SLC9A4: variants seen among roughly 807,000 people sequenced by gnomAD.
SLC9A4 encodes the protein solute carrier family 9 member A4.
SLC9A4 carries 63 observed loss-of-function variants against 67.4 expected under a neutral mutation model. That is an observed-to-expected ratio of 0.93 (90% CI 0.76 to 1.15). The LOEUF (loss-of-function observed/expected upper bound fraction) is 1.15. SLC9A4 is among the 50% of genes most tolerant of loss of function. The pLI, the probability that SLC9A4 is intolerant of heterozygous loss-of-function variation, is 0.00. For missense variants in SLC9A4, 1,089 were observed against 987.7 expected (o/e 1.10, Z -1.38); for synonymous variants, 393 against 367.2 (o/e 1.07, Z -0.80).
chr2:102,532,642 G>A lies in SLC9A4; in HGVS notation c.2351G>A (p.Gly784Asp). Residue 784 changes from glycine to aspartate, a missense_variant, in exon 12 of 12, where the codon GGC becomes GAC. By Grantham distance (94) the Gly-to-Asp change is moderately conservative. Transcript: ENST00000295269. ...RSRWTADHGH[G>D]RDHHRSHSPL... ...AGGTGGACAGCTGACCATGGACACG[G>A]CAGGGACCATCACAGGTCCCATAGT... The A allele has an allele frequency of 6.2e-7, 1 of 1,613,964 alleles. No homozygotes were observed. The highest frequency in any genetic ancestry group is 1.3e-5 in the African/African-American group (1 of 75,040).
chr2:102,495,228 G>A (rs1290076719), intron 2 of SLC9A4, among the ~76,000 whole-genome samples: 1 of 151,840 alleles, frequency 6.6e-6, no homozygotes, highest in African/African-American at 2.4e-5. Flanking sequence ...GATGTTTCAT[G>A]GTTCAAGAAA....
chr2:102,499,461 C>G (rs1684877785), intron 2 of SLC9A4, among the ~76,000 whole-genome samples: 1 of 152,114 alleles, frequency 6.6e-6, no homozygotes, highest in African/African-American at 2.4e-5. Context: ...AAGATCTCTG[C>G]AAGTCTTTCT....
At chr2:102,511,381 C>T (rs556860834) in intron 6 of SLC9A4, among the ~76,000 whole-genome samples, 9 of 152,096 alleles carry the variant, frequency 5.9e-5, no homozygotes, top group African/African-American at 2.2e-4. Flanking sequence ...GCATAATCCA[C>T]CTAAGTCCAT....
chr2:102,531,996 C>T lies in SLC9A4; in HGVS notation c.2039-334C>T, dbSNP rs550056294. ...TGTGTAGCATTGGCTTTGGACAAGA[C>T]CAAGCATCTTTGTGTCCCATGGTTT... On this transcript the variant is annotated intron_variant, in intron 11 of 11. Transcript: ENST00000295269. Among the ~76,000 whole-genome samples, 11 of 152,340 alleles carry T rather than the reference C, an allele frequency of 7.2e-5. No homozygotes were observed. In the South Asian group the frequency reaches 2.3e-3, roughly 32 times the overall value.
In SLC9A4 at chr2:102,519,902, G is replaced by A. The variant is rs1685363832; in HGVS notation, c.1765G>A (p.Val589Met). Residue 589 changes from valine to methionine, a missense_variant, in exon 9 of 12, where the codon GTG becomes ATG. Coordinates refer to ENST00000295269, the MANE Select transcript of SLC9A4 (RefSeq NM_001011552.4). Reference sequence around the variant, plus strand: ...AATCAAAAGACTTTCCCCTGAAGATGTGGAGTCCATAAGGGACATTCTGAC... The same window carrying A: ...AATCAAAAGACTTTCCCCTGAAGATATGGAGTCCATAAGGGACATTCTGAC... ...QGIKRLSPED[V>M]ESIRDILTSN... is the part of the protein sequence containing the mutation. 1.2e-6 allele frequency: 2 copies of A among 1,613,806 alleles called. No homozygotes were observed. Among genetic ancestry groups the A allele is most frequent in the East Asian group, 2.2e-5 (1 of 44,864 alleles).
rs531246466 is a variant in SLC9A4 at position 102,508,080 on chromosome 2, C to A, written c.1200C>A (p.Ser400Arg). The change falls in exon 5 of 12, where the codon AGC (serine) becomes AGA (arginine). Residue 400 changes from serine to arginine, a missense_variant and splice_region_variant. Ser to Arg is a moderately radical substitution (Grantham distance 110). Transcript: ENST00000295269. ...TAATACACGTTTCCCCCTTTCTAGG[C>A]GTATTTGCTCTCTTCTATATCAGTA... Reference protein sequence around the residue: ...LAFCQIWRAISVFALFYISNQ... With the variant: ...LAFCQIWRAIRVFALFYISNQ... The A allele has an allele frequency of 1.9e-6, 3 of 1,613,860 alleles. No individual in the cohort carries two copies. Among genetic ancestry groups the A allele is most frequent in the Non-Finnish European group, 2.5e-6 (3 of 1,179,876 alleles).
In SLC9A4 at chr2:102,519,955, G is replaced by T. The variant is rs370263568; in HGVS notation, c.1818G>T (p.Arg606Ser). The part of the protein sequence containing the change: ...LTSNMYQVRQ[R>S]TLSYNKYNLK... ...CCAACATGTACCAAGTTCGGCAAAG[G>T]GTGTGTATGAGCCACCTGTGTTGTC... is the stretch of plus-strand genomic sequence containing the variant. Residue 606 changes from arginine to serine, a missense_variant and splice_region_variant, in exon 9 of 12, where the codon AGG becomes AGT. Physicochemically the swap from Arg to Ser is moderately radical, Grantham distance 110. Coordinates refer to ENST00000295269, the MANE Select transcript of SLC9A4 (RefSeq NM_001011552.4). 14 of 1,613,236 alleles carry T rather than the reference G, an allele frequency of 8.7e-6. No homozygotes were observed. The highest frequency in any genetic ancestry group is 6.7e-5 in the East Asian group (3 of 44,862).
intron 2 of SLC9A4, among the ~76,000 whole-genome samples, chr2:102,487,506 G>A (rs1684612991): frequency 1.3e-5 from 2 of 152,124 alleles, no homozygotes; most frequent in Non-Finnish European, 2.9e-5. Context: ...GCTAATCCTT[G>A]GGAGGCATGC....
At chr2:102,510,505 G>A (rs906279028) in intron 6 of SLC9A4, among the ~76,000 whole-genome samples, 1 of 152,134 alleles carries the variant, frequency 6.6e-6, no homozygotes, top group Non-Finnish European at 1.5e-5. Flanking sequence ...AACTGAATCA[G>A]TCCCACCCAG....
intron 2 of SLC9A4, among the ~76,000 whole-genome samples, chr2:102,498,102 T>C (rs1684848964): frequency 6.6e-6 from 1 of 152,210 alleles, no homozygotes. Context: ...TGTGGACATG[T>C]TTGAGATTTA....
Position 102,505,005 on chromosome 2 carries a change from G to A in SLC9A4, c.981-249G>A, listed in dbSNP as rs534026608. ...CATTGGGTGTGCCCATGCGAATTAC[G>A]TGTCCTTTTATTTCACCGTGCCACG... On this transcript the variant is annotated intron_variant, in intron 3 of 11. Coordinates refer to ENST00000295269, the MANE Select transcript of SLC9A4 (RefSeq NM_001011552.4). Among the ~76,000 whole-genome samples the A allele has an allele frequency of 2.0e-5, 3 of 152,320 alleles. No individual in the cohort carries two copies. In the South Asian group the frequency reaches 6.2e-4, roughly 32 times the overall value.
In SLC9A4 at chr2:102,526,266, C is replaced by G; in HGVS notation, c.1958C>G (p.Thr653Ser). The G allele has an allele frequency of 6.2e-7, 1 of 1,613,650 alleles. No homozygotes were observed. Among genetic ancestry groups the G allele is most frequent in the Non-Finnish European group, 8.5e-7 (1 of 1,179,660 alleles). ...TCTACTTGCTACCCACAGGCTGGCA[C>G]CAAGAATATCCGCTACCTCTCCTAC... The part of the protein sequence containing the change: ...HSLPWGKPAG[T>S]KNIRYLSYPY... The change falls in exon 11 of 12, where the codon ACC becomes AGC. Residue 653 changes from threonine to serine, a missense_variant. Physicochemically the swap from Thr to Ser is moderately conservative, Grantham distance 58. Coordinates refer to ENST00000295269, the MANE Select transcript of SLC9A4 (RefSeq NM_001011552.4).
chr2:102,505,168 G>T, intron 3 of SLC9A4, 86 bp from the exon 4 acceptor site: 2 of 1,192,550 alleles, frequency 1.7e-6, no homozygotes, highest in Non-Finnish European at 2.4e-6. Flanking sequence ...CGGGCTTCAT[G>T]CATCTGTGGC....
intron 1 of SLC9A4, 80 bp downstream of exon 1, chr2:102,474,095 G>A: frequency 6.7e-7 from 1 of 1,498,740 alleles, no homozygotes; most frequent in Admixed American, 1.9e-5. Flanking sequence ...TAGATAACGG[G>A]CTAAGAGGAT....
intron 2 of SLC9A4, among the ~76,000 whole-genome samples, chr2:102,489,755 G>C (rs1346207440): frequency 6.6e-6 from 1 of 152,138 alleles, no homozygotes; most frequent in Non-Finnish European, 1.5e-5. Flanking sequence ...CTGGGCTTCA[G>C]GTCTTTTTTT....
At chr2:102,509,270 C>T (rs1685109720) in intron 6 of SLC9A4, among the ~76,000 whole-genome samples, 2 of 152,208 alleles carry the variant, frequency 1.3e-5, no homozygotes. Flanking sequence ...CTTCCATCTT[C>T]AGAGCCTGCA....
At chr2:102,520,446 T>A (rs992557690) in intron 9 of SLC9A4, among the ~76,000 whole-genome samples, 8 of 152,236 alleles carry the variant, frequency 5.3e-5, no homozygotes, top group African/African-American at 1.9e-4. Flanking sequence ...GAACTAGGTA[T>A]GAAATCTCTA....
At position 102,473,368 on chromosome 2, in the gene SLC9A4, A is replaced by G; in HGVS notation, c.-392A>G. 4.6e-6 allele frequency: 1 copy of G among 216,294 alleles called. No individual in the cohort carries two copies. Among genetic ancestry groups the G allele is most frequent in the Non-Finnish European group, 9.4e-6 (1 of 106,840 alleles). The allele number at this position is 216,294 out of a possible 1,614,324, so 13.4% of individuals were successfully genotyped here. ...TGATCTGTGGAATGAGCACTACAGT[A>G]TCCTTTTAAATTTTCACCCACAAGA... On this transcript the variant is annotated 5_prime_UTR_variant, in exon 1 of 12. Transcript: ENST00000295269.
chr2:102,519,765 C>G, intron 8 of SLC9A4, 94 bp from the exon 9 acceptor site: 4 of 1,037,348 alleles, frequency 3.9e-6, no homozygotes, highest in Non-Finnish European at 5.5e-6. Flanking sequence ...ACTTAGGATT[C>G]CCCTCAGTAC....
Sources: gnomAD v4.1 joint callset for allele counts (sites outside exome capture counted in the v4.1 genomes callset) on GRCh38, gnomAD v4.1.1 for gene constraint, MANE v1.5 for transcripts, NCBI Gene and HGNC (gene_info 2026-07-23, HGNC 2026-07-21) for gene names.